SLC24A2: variants seen among roughly 807,000 people sequenced by gnomAD.
SLC24A2 encodes the protein sodium/potassium/calcium exchanger 2.
SLC24A2 carries 36 observed loss-of-function variants against 62.0 expected under a neutral mutation model. That is an observed-to-expected ratio of 0.58 (90% CI 0.44 to 0.77). SLC24A2 has a LOEUF of 0.77. Ranked by LOEUF, SLC24A2 falls within the 30% of genes least tolerant of loss-of-function variation. The probability of loss-of-function intolerance (pLI) is 0.00; values close to 1 mark genes in which losing one functional copy is unlikely to be tolerated. For missense variants in SLC24A2, 846 were observed against 817.9 expected (o/e 1.03, Z -0.42); for synonymous variants, 358 against 294.0 (o/e 1.22, Z -2.23).
At chr9:20,278,832 A>G in the SLC24A2 span, among the ~76,000 whole-genome samples, 1 of 152,176 alleles carries the variant, frequency 6.6e-6, no homozygotes, top group Non-Finnish European at 1.5e-5. Context: ...ACCCAACTCT[A>G]CTAGCACCAA....
the SLC24A2 span, among the ~76,000 whole-genome samples, chr9:20,170,161 C>T: frequency 2.4e-4 from 37 of 151,028 alleles, no homozygotes; most frequent in Admixed American, 1.3e-3. Context: ...AATAAGAAGA[C>T]ATGAACAAAG....
the SLC24A2 span, among the ~76,000 whole-genome samples, chr9:20,165,708 T>C: frequency 6.6e-6 from 1 of 151,880 alleles, no homozygotes; most frequent in Non-Finnish European, 1.5e-5. Flanking sequence ...ACCTAATTAA[T>C]GTGTCTATAA....
chr9:20,061,337 G>A, the SLC24A2 span, among the ~76,000 whole-genome samples: 212 of 151,778 alleles, frequency 1.4e-3, 2 homozygotes, highest in African/African-American at 4.8e-3. Context: ...CAGGCTGGAA[G>A]GCAGTGGTGC....
the SLC24A2 span, among the ~76,000 whole-genome samples, chr9:19,887,973 G>A: frequency 0.31 from 46,558 of 152,048 alleles, 8,040 homozygotes; most frequent in Non-Finnish European, 0.39. Flanking sequence ...ATGGACTTTG[G>A]GGACTCAGGG....
At chr9:19,887,308 C>T in the SLC24A2 span, among the ~76,000 whole-genome samples, 1 of 152,038 alleles carries the variant, frequency 6.6e-6, no homozygotes, top group African/African-American at 2.4e-5. Context: ...GATATTAGAC[C>T]TTTGTTGGAT....
At chr9:19,709,798 C>A in intron 2 of SLC24A2, among the ~76,000 whole-genome samples, 2 of 149,624 alleles carry the variant, frequency 1.3e-5, no homozygotes, top group African/African-American at 2.5e-5. Flanking sequence ...ATACCTAATG[C>A]TAAATGAGGA....
intron 2 of SLC24A2, among the ~76,000 whole-genome samples, chr9:19,695,133 G>C (rs897777776): frequency 6.6e-6 from 1 of 152,098 alleles, no homozygotes; most frequent in Non-Finnish European, 1.5e-5. Flanking sequence ...AACTGGAGGG[G>C]CATGGTGCTA....
intron 2 of SLC24A2, among the ~76,000 whole-genome samples, chr9:19,780,298 C>T (rs1351505545): frequency 6.7e-6 from 1 of 148,946 alleles, no homozygotes; most frequent in Non-Finnish European, 1.5e-5. Flanking sequence ...GATGGAGTCT[C>T]ACTCTGTCGC....
At chr9:19,964,040 TA>T in the SLC24A2 span, among the ~76,000 whole-genome samples, 2 of 151,784 alleles carry the variant, frequency 1.3e-5, no homozygotes, top group South Asian at 4.2e-4. Flanking sequence ...TATGCAGCCA[TA>T]AAAAATGATG....
At chr9:20,131,080 C>T in the SLC24A2 span, among the ~76,000 whole-genome samples, 1 of 151,318 alleles carries the variant, frequency 6.6e-6, no homozygotes, top group Admixed American at 6.6e-5. Flanking sequence ...TAACAAATAC[C>T]CAGATCCAGA....
the SLC24A2 span, among the ~76,000 whole-genome samples, chr9:20,059,802 T>C: frequency 6.0e-4 from 91 of 151,900 alleles, 1 homozygote; most frequent in East Asian, 0.016. Context: ...GAATGAAAAT[T>C]AGAGCAGAGA....
At chr9:19,844,534 C>T in the SLC24A2 span, among the ~76,000 whole-genome samples, 8 of 151,930 alleles carry the variant, frequency 5.3e-5, no homozygotes, top group East Asian at 3.9e-4. Flanking sequence ...TTCCATTTGT[C>T]AATTTTTTTT....
At chr9:19,638,269 T>C (rs1219388142) in intron 2 of SLC24A2, among the ~76,000 whole-genome samples, 3 of 152,162 alleles carry the variant, frequency 2.0e-5, no homozygotes, top group Non-Finnish European at 4.4e-5. Flanking sequence ...GAGCACTGAG[T>C]TGGAGAAAAA....
the SLC24A2 span, among the ~76,000 whole-genome samples, chr9:20,231,093 A>G: frequency 6.6e-6 from 1 of 152,060 alleles, no homozygotes; most frequent in Non-Finnish European, 1.5e-5. Flanking sequence ...ATTGGTCTAT[A>G]TCTCTGTTTT....
At chr9:20,136,212 G>T in the SLC24A2 span, among the ~76,000 whole-genome samples, 1 of 152,156 alleles carries the variant, frequency 6.6e-6, no homozygotes, top group Non-Finnish European at 1.5e-5. Flanking sequence ...AGGAGAAGCA[G>T]TAGCTAGATA....
intron 2 of SLC24A2, among the ~76,000 whole-genome samples, chr9:19,759,091 G>C (rs1020284219): frequency 6.6e-6 from 1 of 152,156 alleles, no homozygotes; most frequent in Admixed American, 6.6e-5. Context: ...CTTACTTTGT[G>C]ATCCTGCTGT....
At chr9:19,920,743 G>C in the SLC24A2 span, among the ~76,000 whole-genome samples, 1 of 152,140 alleles carries the variant, frequency 6.6e-6, no homozygotes, top group Non-Finnish European at 1.5e-5. Flanking sequence ...AGAGAGTCCT[G>C]GGCAGTAAGG....
the SLC24A2 span, among the ~76,000 whole-genome samples, chr9:19,891,610 G>A: frequency 5.3e-5 from 8 of 152,128 alleles, no homozygotes; most frequent in African/African-American, 1.9e-4. Context: ...GCTTGGCATA[G>A]TGACTCATGC....
chr9:19,744,965 T>C (rs1821789655), intron 2 of SLC24A2, among the ~76,000 whole-genome samples: 2 of 152,330 alleles, frequency 1.3e-5, no homozygotes, highest in Admixed American at 6.5e-5. Context: ...CTAGTTGATA[T>C]GGTCTGGACA....
Sources: allele counts gnomAD v4.1 joint callset (sites outside exome capture counted in the v4.1 genomes callset), GRCh38; gene constraint gnomAD v4.1.1; transcripts MANE v1.5; gene names NCBI Gene and HGNC (gene_info 2026-07-23, HGNC 2026-07-21).